Variants in RPS6KA1 observed in about 807,000 individuals in gnomAD.
RPS6KA1 encodes ribosomal protein S6 kinase alpha-1.
Under a neutral mutation model 91.3 loss-of-function variants are expected in RPS6KA1, and 48 were observed. That is an observed-to-expected ratio of 0.53 (90% CI 0.42 to 0.67). RPS6KA1 has a LOEUF of 0.67. Ranked by LOEUF, RPS6KA1 falls within the 30% of genes least tolerant of loss-of-function variation. The pLI is 0.00. For synonymous variants in RPS6KA1, 359 were observed against 384.7 expected (o/e 0.93, Z 0.78); for missense variants, 719 against 960.5 (o/e 0.75, Z 3.32).
At position 26,554,354 on chromosome 1, in the gene RPS6KA1, T is replaced by C. The variant is rs1408613812; in HGVS notation, c.613+103T>C. 2.3e-6 allele frequency: 3 copies of C among 1,305,268 alleles called. No homozygotes were observed. Among genetic ancestry groups the C allele is most frequent in the South Asian group, 1.4e-5 (1 of 72,596 alleles). 80.9% of individuals were successfully genotyped at this position (1,305,268 alleles called of 1,614,324 possible). On this transcript the variant is annotated intron_variant, in intron 8 of 21. Coordinates refer to ENST00000374168, the MANE Select transcript of RPS6KA1 (RefSeq NM_002953.4). This position sits in a 1 kb window ranked among gnomAD's most constrained non-coding sequence, Gnocchi z 4.6. Reference sequence around the variant, plus strand: ...GGGGCTCATTCTTCCCGAGAAGCCGTGCCAGTTACTTGGAAGTGGTCAAAA... The same window carrying C: ...GGGGCTCATTCTTCCCGAGAAGCCGCGCCAGTTACTTGGAAGTGGTCAAAA...
At position 26,550,304 on chromosome 1, in the gene RPS6KA1, T is replaced by A. The variant is rs374379217; in HGVS notation, c.308-1093T>A. Among the ~76,000 whole-genome samples the A allele has an allele frequency of 1.8e-4, 27 of 150,804 alleles. No homozygotes were observed. In the East Asian group the frequency reaches 4.6e-3, roughly 26 times the overall value. ...TTCAAGCGATTCCCCTGCCTCAGCC[T>A]CCTGAGTAGCTGGGATTACAGGCAC... is the stretch of plus-strand genomic sequence containing the variant. On this transcript the variant is annotated intron_variant, in intron 4 of 21. Coordinates refer to ENST00000374168, the MANE Select transcript of RPS6KA1 (RefSeq NM_002953.4).
At chr1:26,533,438 G>A (rs953776607) in intron 1 of RPS6KA1, among the ~76,000 whole-genome samples, 1 of 152,126 alleles carries the variant, frequency 6.6e-6, no homozygotes, top group African/African-American at 2.4e-5. Flanking sequence ...ACGCGTGGTG[G>A]CTCATGACTG....
intron 17 of RPS6KA1, among the ~76,000 whole-genome samples, chr1:26,562,775 C>T (rs2076164040): frequency 6.9e-6 from 1 of 145,804 alleles, no homozygotes; most frequent in South Asian, 2.2e-4. Context: ...AGGTTGTTAA[C>T]TTGTTTTCAC....
intron 1 of RPS6KA1, among the ~76,000 whole-genome samples, chr1:26,532,209 C>T (rs2075872979): frequency 6.6e-6 from 1 of 152,132 alleles, no homozygotes; most frequent in Non-Finnish European, 1.5e-5. Flanking sequence ...GCCTGGGCCT[C>T]GCTTAGCCCT....
intron 4 of RPS6KA1, among the ~76,000 whole-genome samples, chr1:26,549,206 G>T (rs1299062781): frequency 6.6e-6 from 1 of 151,382 alleles, no homozygotes; most frequent in Non-Finnish European, 1.5e-5. Flanking sequence ...CTTTAGTTTT[G>T]CATTGTGTGT....
intron 17 of RPS6KA1, among the ~76,000 whole-genome samples, chr1:26,563,786 T>C (rs1285127853): frequency 6.6e-6 from 1 of 152,202 alleles, no homozygotes; most frequent in Non-Finnish European, 1.5e-5. Context: ...CTAACATCAT[T>C]ATTAGCTTCA....
chr1:26,555,506 C>T lies in RPS6KA1; in HGVS notation c.828-31C>T. The stretch of plus-strand genomic sequence containing the variant: ...GAGATGGGGCCTCTGGGGCAGGGCT[C>T]AGCCTTGATGAGTCCCGGGGGCTGT... On this transcript the variant is annotated intron_variant, in intron 10 of 21. Transcript: ENST00000374168. The surrounding 1 kb of genome is among the most constrained non-coding windows in gnomAD (Gnocchi z 4.3). 6.4e-7 allele frequency: 1 copy of T among 1,557,612 alleles called. No individual in the cohort carries two copies. The highest frequency in any genetic ancestry group is 8.7e-7 in the Non-Finnish European group (1 of 1,148,664).
At position 26,554,788 on chromosome 1, in the gene RPS6KA1, G is replaced by A; in HGVS notation, c.756+50G>A. 1 of 1,558,788 alleles carries A rather than the reference G, an allele frequency of 6.4e-7. No individual in the cohort carries two copies. Among genetic ancestry groups the A allele is most frequent in the Non-Finnish European group, 8.7e-7 (1 of 1,146,762 alleles). ...GATCCAGCCCAAGCCTCTGGCCTCA[G>A]TCTCCCTATCTGTACAGTGAGGGGG... On this transcript the variant is annotated intron_variant, in intron 9 of 21. Transcript: ENST00000374168. The surrounding 1 kb of genome is among the most constrained non-coding windows in gnomAD (Gnocchi z 4.6).
At chr1:26,541,879 G>A (rs931560919) in intron 2 of RPS6KA1, among the ~76,000 whole-genome samples, 6 of 152,338 alleles carry the variant, frequency 3.9e-5, no homozygotes, top group African/African-American at 1.4e-4. Flanking sequence ...TAGAGACCAC[G>A]GATCAGGCCT....
intron 12 of RPS6KA1, 23 bp downstream of exon 12, chr1:26,556,741 G>A (rs1235086555): frequency 1.5e-5 from 24 of 1,612,896 alleles, no homozygotes; most frequent in Non-Finnish European, 2.0e-5. Context: ...ACCCACACCA[G>A]GGCTCTGGCC....
chr1:26,561,557 G>T lies in RPS6KA1; in HGVS notation c.1484G>T (p.Gly495Val). The change falls in exon 17 of 22, where the codon GGG (glycine) becomes GTG (valine). Residue 495 changes from glycine (G) to valine (V), a missense_variant. Gly to Val is a moderately radical substitution (Grantham distance 109). Coordinates refer to ENST00000374168, the MANE Select transcript of RPS6KA1 (RefSeq NM_002953.4). This position sits in a 1 kb window ranked among gnomAD's most constrained non-coding sequence, Gnocchi z 5.7. ...VYLVTELMRG[G>V]ELLDKILRQK... is the part of the protein sequence containing the mutation. ...CTGGTGACAGAGCTGATGCGGGGTG[G>T]GGAGCTGCTGGACAAGATCCTGCGG... 1 of 1,614,124 alleles carries T rather than the reference G, an allele frequency of 6.2e-7. No homozygotes were observed. The highest frequency in any genetic ancestry group is 8.5e-7 in the Non-Finnish European group (1 of 1,180,008).
At chr1:26,570,233 C>G (rs973694452) in intron 17 of RPS6KA1, among the ~76,000 whole-genome samples, 11 of 152,226 alleles carry the variant, frequency 7.2e-5, no homozygotes, top group African/African-American at 2.6e-4. Flanking sequence ...ACCTTTAATC[C>G]CAGCACTTTG....
chr1:26,555,243 A>T lies in RPS6KA1; in HGVS notation c.827+22A>T. On this transcript the variant is annotated intron_variant, in intron 10 of 21. Coordinates refer to ENST00000374168, the MANE Select transcript of RPS6KA1 (RefSeq NM_002953.4). The surrounding 1 kb of genome is among the most constrained non-coding windows in gnomAD (Gnocchi z 4.3). ...TGAAGTAAGCCCCAGCCCTGCCCTGATAACAATGGACTCCTCCAAGCCCCA... is the reference window on the plus strand; with the variant it reads ...TGAAGTAAGCCCCAGCCCTGCCCTGTTAACAATGGACTCCTCCAAGCCCCA... 1.2e-6 allele frequency: 2 copies of T among 1,611,812 alleles called. No individual in the cohort carries two copies. Among genetic ancestry groups the T allele is most frequent in the Non-Finnish European group, 8.5e-7 (1 of 1,177,958 alleles).
At chr1:26,559,486 T>G (rs1321537982) in intron 14 of RPS6KA1, among the ~76,000 whole-genome samples, 1 of 151,562 alleles carries the variant, frequency 6.6e-6, no homozygotes, top group South Asian at 2.1e-4. Flanking sequence ...CCTGCCTCAG[T>G]CTCCCGAATA....
intron 2 of RPS6KA1, among the ~76,000 whole-genome samples, chr1:26,539,755 A>G (rs2075933159): frequency 6.6e-6 from 1 of 152,118 alleles, no homozygotes. Flanking sequence ...TCCCCTCAGC[A>G]CCTAGGTGCA....
chr1:26,571,767 C>T lies in RPS6KA1; in HGVS notation c.1753-82C>T, dbSNP rs564303540. 11 of 1,498,432 alleles carry T rather than the reference C, an allele frequency of 7.3e-6. No individual in the cohort carries two copies. The African/African-American group carries it at 1.2e-4, about 17-fold the overall frequency. The allele number at this position is 1,498,432 out of a possible 1,614,324, so 92.8% of individuals were successfully genotyped here. A position where few individuals can be genotyped will look rare whatever the true frequency, so the allele number is the denominator to read the frequency against. The stretch of plus-strand genomic sequence containing the variant: ...CCTGTGCCTGGGACCCTTGTCCTGC[C>T]CTTGAGGGGAGTAGCAGGAAACATC... On this transcript the variant is annotated intron_variant, in intron 18 of 21. Coordinates refer to ENST00000374168, the MANE Select transcript of RPS6KA1 (RefSeq NM_002953.4). The surrounding 1 kb of genome is among the most constrained non-coding windows in gnomAD (Gnocchi z 5.1).
chr1:26,539,153 G>A (rs149833401), intron 2 of RPS6KA1, among the ~76,000 whole-genome samples: 1 of 152,344 alleles, frequency 6.6e-6, no homozygotes, highest in Non-Finnish European at 1.5e-5. Flanking sequence ...GGGCAGAGAC[G>A]TATACCACCA....
Position 26,551,436 on chromosome 1 carries a change from T to C in RPS6KA1, c.347T>C (p.Leu116Pro). The C allele has an allele frequency of 6.2e-7, 1 of 1,614,184 alleles. No individual in the cohort carries two copies. The highest frequency in any genetic ancestry group is 8.5e-7 in the Non-Finnish European group (1 of 1,180,026). The change falls in exon 5 of 22, where the codon CTG becomes CCG. Residue 116 changes from leucine (L) to proline (P), a missense_variant. Leu to Pro is a moderately conservative substitution (Grantham distance 98). Coordinates refer to ENST00000374168, the MANE Select transcript of RPS6KA1 (RefSeq NM_002953.4). This position sits in a 1 kb window ranked among gnomAD's most constrained non-coding sequence, Gnocchi z 4.5. ...RVRTKMERDI[L>P]ADVNHPFVVK... is the part of the protein sequence containing the mutation. ...CGGACCAAGATGGAGAGAGACATCC[T>C]GGCTGATGTAAATCACCCATTCGTG...
At chr1:26,543,447 G>A (rs1371332243) in intron 2 of RPS6KA1, among the ~76,000 whole-genome samples, 1 of 152,224 alleles carries the variant, frequency 6.6e-6, no homozygotes, top group East Asian at 1.9e-4. Flanking sequence ...CCCTCTTTGA[G>A]CCAGGCTTTC....
Sources: gnomAD v4.1 joint callset for allele counts (sites outside exome capture counted in the v4.1 genomes callset) on GRCh38, gnomAD v4.1.1 for gene constraint, Gnocchi (gnomAD v3.1) non-coding constraint, MANE v1.5 for transcripts, NCBI Gene and HGNC (gene_info 2026-07-23, HGNC 2026-07-21) for gene names.